The following TMPRSS9 variants were observed in gnomAD, a reference collection of about 807,000 sequenced individuals.
TMPRSS9 encodes the protein transmembrane serine protease 9.
A neutral mutation model predicts 111.4 loss-of-function variants in TMPRSS9; 113 were observed. That is an observed-to-expected ratio of 1.01 (90% CI 0.87 to 1.19). TMPRSS9 has a LOEUF of 1.19. Ranked by LOEUF, TMPRSS9 falls within the 50% of genes most tolerant of loss-of-function variation. TMPRSS9 has a pLI of 0.00. For missense variants in TMPRSS9, 1,803 were observed against 1,513.1 expected, an observed-to-expected ratio of 1.19 and a Z score of -3.18; for synonymous variants, 805 against 659.1, an observed-to-expected ratio of 1.22 and a Z score of -3.39.
At chr19:2,381,918 C>A (rs1970390333) in intron 1 of TMPRSS9, among the ~76,000 whole-genome samples, 1 of 152,226 alleles carries the variant, frequency 6.6e-6, no homozygotes, top group South Asian at 2.1e-4. Context: ...TCTCAGCTCA[C>A]TGCAACCTCC....
At chr19:2,409,161 A>G (rs1280139926) in intron 8 of TMPRSS9, among the ~76,000 whole-genome samples, 7 of 121,960 alleles carry the variant, frequency 5.7e-5, no homozygotes, top group Non-Finnish European at 6.7e-5. Context: ...TTTTTTTGAG[A>G]TGGAGTTTTG....
chr19:2,424,171 C>A, exon 15 of TMPRSS9: 1 of 1,465,902 alleles, frequency 6.8e-7, no homozygotes. Context: ...GGCAGGTGAG[C>A]CTGTGGCTGC....
At chr19:2,392,060 C>T (rs1332819854) in intron 1 of TMPRSS9, among the ~76,000 whole-genome samples, 1 of 151,908 alleles carries the variant, frequency 6.6e-6, no homozygotes, top group Admixed American at 6.6e-5. Flanking sequence ...TTTCAAGAAG[C>T]ACTTAAGGCC....
chr19:2,424,774 C>T (rs1204396899), intron 15 of TMPRSS9, among the ~76,000 whole-genome samples: 1 of 152,058 alleles, frequency 6.6e-6, no homozygotes, highest in African/African-American at 2.4e-5. Flanking sequence ...ACTCGCACGG[C>T]CACTAGACCC....
At chr19:2,419,243 G>A (rs771971939) in intron 13 of TMPRSS9, among the ~76,000 whole-genome samples, 4 of 143,968 alleles carry the variant, frequency 2.8e-5, no homozygotes, top group Admixed American at 7.2e-5. Flanking sequence ...TGGCTCTGTC[G>A]CCCAGGCTGG....
At chr19:2,425,401 A>C in exon 17 of TMPRSS9, 1 of 1,565,592 alleles carries the variant, frequency 6.4e-7, no homozygotes. Flanking sequence ...GCGCCTCCTC[A>C]GCGAGCAGAC....
rs144100598 is a variant in TMPRSS9, at chr19:2,421,966, C to T, written c.2267C>T (p.Thr756Met). ...CAGGTTAAGAAGCCGGGCGTGTACA[C>T]GCGCATCACCAGGCTAAAGGGCTGG... The change falls in exon 14 of 18, where the codon ACG becomes ATG. Residue 756 changes from threonine to methionine, a missense_variant. Physicochemically the swap from Thr to Met is moderately conservative, Grantham distance 81 (BLOSUM62 -1). Coordinates refer to ENST00000648592, the Ensembl canonical transcript of TMPRSS9. 134 of 1,613,238 alleles carry T rather than the reference C, an allele frequency of 8.3e-5. No individual in the cohort carries two copies. In the African/African-American group the frequency reaches 1.5e-3, roughly 18 times the overall value.
intron 1 of TMPRSS9, among the ~76,000 whole-genome samples, chr19:2,378,709 C>T (rs1230007851): frequency 1.3e-5 from 2 of 152,162 alleles, no homozygotes; most frequent in Admixed American, 6.6e-5. Flanking sequence ...CAGAGCGAGA[C>T]TCCGTCTAAA....
chr19:2,399,525 G>C (rs181425136), intron 4 of TMPRSS9, among the ~76,000 whole-genome samples: 1 of 152,162 alleles, frequency 6.6e-6, no homozygotes, highest in Admixed American at 6.6e-5. Context: ...GCAGTGAGCC[G>C]AGATCGTGCC....
upstream of TMPRSS9, among the ~76,000 whole-genome samples, chr19:2,389,598 C>A (rs567262783): frequency 6.6e-6 from 1 of 151,986 alleles, no homozygotes; most frequent in East Asian, 1.9e-4. Flanking sequence ...GAATTCCCGA[C>A]CTCAAATCGT....
At chr19:2,386,731 C>T (rs930182000), upstream of TMPRSS9, among the ~76,000 whole-genome samples, 2 of 152,324 alleles carry the variant, frequency 1.3e-5, no homozygotes, top group Middle Eastern at 3.4e-3. Context: ...GTGGCTCACA[C>T]CTGTCATCCC....
At chr19:2,379,342 C>T (rs549690724) in intron 1 of TMPRSS9, among the ~76,000 whole-genome samples, 30 of 151,876 alleles carry the variant, frequency 2.0e-4, no homozygotes, top group Admixed American at 3.3e-4. Flanking sequence ...CCCGCCACCA[C>T]GCCTGGCTAA....
rs569818781 is a variant in TMPRSS9 at position 2,416,575 on chromosome 19, G to C, written c.1783G>C (p.Ala595Pro). ...GCAGGTTCGGGCCCACCTGGGCACTGCGTCCCTCCTGGGCCTGGGCGGGAG... is the reference window on the plus strand; with the variant it reads ...GCAGGTTCGGGCCCACCTGGGCACTCCGTCCCTCCTGGGCCTGGGCGGGAG... The change falls in exon 12 of 18, where the codon GCG becomes CCG. Residue 595 changes from alanine to proline, a missense_variant. Coordinates refer to ENST00000648592, the Ensembl canonical transcript of TMPRSS9. 4 of 1,611,506 alleles carry C rather than the reference G, an allele frequency of 2.5e-6. No individual in the cohort carries two copies. The South Asian group carries it at 3.3e-5, about 13-fold the overall frequency.
chr19:2,374,522 C>T (rs150497981), intron 1 of TMPRSS9, among the ~76,000 whole-genome samples: 9,112 of 151,570 alleles, frequency 0.06, 900 homozygotes, highest in African/African-American at 0.21. Context: ...TGCAGTGAGC[C>T]GAGATCGCGC....
chr19:2,400,370 C>T (rs7247188), intron 4 of TMPRSS9, among the ~76,000 whole-genome samples: 4,845 of 151,870 alleles, frequency 0.032, 105 homozygotes, highest in Non-Finnish European at 0.047. Flanking sequence ...GGCGAAACCC[C>T]GTCTCTACTA....
upstream of TMPRSS9, among the ~76,000 whole-genome samples, chr19:2,387,561 AGGAAGGGAGAAAGGGAAG>A (rs781379549): frequency 4.0e-4 from 61 of 151,424 alleles, no homozygotes; most frequent in Non-Finnish European, 7.1e-4. Context: ...AAAGGAAGGG[AGGAAGGGAGAAAGGGAAG>A]GGAAGGGAGA....
At chr19:2,424,817 C>T (rs958163180) in intron 15 of TMPRSS9, among the ~76,000 whole-genome samples, 185 bp from the exon 17 acceptor site, 1 of 152,116 alleles carries the variant, frequency 6.6e-6, no homozygotes, top group African/African-American at 2.4e-5. Flanking sequence ...GTGGTGACGG[C>T]TGCAGTTCCC....
At chr19:2,398,272 G>A (rs993858271) in intron 2 of TMPRSS9, among the ~76,000 whole-genome samples, 2 of 150,946 alleles carry the variant, frequency 1.3e-5, no homozygotes, top group African/African-American at 2.4e-5. Context: ...CTCCACCCCA[G>A]GCGACAGAGC....
At chr19:2,371,426 C>G (rs1014214961) in intron 1 of TMPRSS9, among the ~76,000 whole-genome samples, 2 of 152,064 alleles carry the variant, frequency 1.3e-5, no homozygotes, top group Non-Finnish European at 1.5e-5. Flanking sequence ...GCGGCTCACG[C>G]CTGTAATCCC....
Sources: gnomAD v4.1 joint callset for allele counts (sites outside exome capture counted in the v4.1 genomes callset) on GRCh38, gnomAD v4.1.1 for gene constraint, MANE v1.5 for transcripts, NCBI Gene and HGNC (gene_info 2026-07-23, HGNC 2026-07-21) for gene names.